Variants in STAC2 observed in about 807,000 individuals in gnomAD.
STAC2 encodes SH3 and cysteine rich domain 2.
A neutral mutation model predicts 49.0 loss-of-function variants in STAC2; 36 were observed. The observed-to-expected ratio is 0.74, with a 90% CI of 0.56 to 0.97. STAC2 has a LOEUF of 0.97. Among genes scored for constraint, STAC2 ranks in the 50% least tolerant of loss-of-function variants. The pLI, the probability that STAC2 is intolerant of heterozygous loss-of-function variation, is 0.00. For synonymous variants in STAC2, 239 were observed against 214.7 expected (o/e 1.11, Z -0.99); for missense variants, 527 against 543.8 (o/e 0.97, Z 0.31).
Position 39,212,339 on chromosome 17 carries a change from C to T in STAC2, c.1189G>A (p.Gly397Ser), listed in dbSNP as rs1256566404. Residue 397 changes from glycine to serine, a missense_variant, in exon 11 of 11, where the codon GGC becomes AGC. Gly to Ser is a moderately conservative substitution (Grantham distance 56). Transcript: ENST00000333461. The stretch of plus-strand genomic sequence containing the variant: ...ACTGGCACCAGGCCCCGCTTCTTGC[C>T]ACTGCTGACGCGGATGAAGCCGTCA... ...DADGFIRVSS[G>S]KKRGLVPVDA... The T allele has an allele frequency of 3.7e-6, 6 of 1,612,480 alleles. No homozygotes were observed. Among genetic ancestry groups the T allele is most frequent in the Non-Finnish European group, 5.1e-6 (6 of 1,179,260 alleles).
rs752841474 is a variant in STAC2 at position 39,217,055 on chromosome 17, T to G, written c.495+21A>C. The G allele has an allele frequency of 5.6e-6, 9 of 1,613,534 alleles. No homozygotes were observed. The East Asian group carries it at 1.8e-4, about 32-fold the overall frequency. ...TACTGGCAGCACTCAGCTGGCCATC[T>G]CTGCCTGGGTCCCCGCTCACCGTCT... On this transcript the variant is annotated intron_variant, in intron 3 of 10. Coordinates refer to ENST00000333461, the MANE Select transcript of STAC2 (RefSeq NM_198993.5).
In STAC2 at chr17:39,222,675, T is replaced by C. The variant is rs113861023; in HGVS notation, c.90+2738A>G. ...TCTCTGGCATGGGGAGAAGCTGCCA[T>C]GTACCTTGGCAAGTGGGCCTGCCTG... On this transcript the variant is annotated intron_variant, in intron 1 of 10. Transcript: ENST00000333461. 4.2e-3 allele frequency among the ~76,000 whole-genome samples: 643 copies of C among 152,226 alleles called. 7 individuals carry two copies. The highest frequency in any genetic ancestry group is 0.015 in the African/African-American group (604 of 41,538).
chr17:39,225,431 G>A lies in STAC2; in HGVS notation c.72C>T (p.Ser24=). 7.5e-6 allele frequency: 12 copies of A among 1,605,876 alleles called. No individual in the cohort carries two copies. Among genetic ancestry groups the A allele is most frequent in the South Asian group, 1.1e-5 (1 of 90,902 alleles). Residue 24 remains serine (S), a synonymous_variant, in exon 1 of 11, where the codon TCC becomes TCT. Transcript: ENST00000333461. This position sits in a 1 kb window ranked among gnomAD's most constrained non-coding sequence, Gnocchi z 8.2. ...AATHSPPGTV[S]ALQETKLQRF... is the part of the protein sequence containing the mutation. ...AAGTTACCTTGGTTTCCTGGAGGGC[G>A]GAGACGGTCCCTGGGGGGCTGTGGG... is the stretch of plus-strand genomic sequence containing the variant.
chr17:39,214,832 T>G lies in STAC2; in HGVS notation c.802A>C (p.Ser268Arg). 6.2e-7 allele frequency: 1 copy of G among 1,613,938 alleles called. No individual in the cohort carries two copies. Among genetic ancestry groups the G allele is most frequent in the African/African-American group, 1.3e-5 (1 of 74,982 alleles). ...TTCTCCTCTGGTCCTGGCCCTTCAC[T>G]CTCTGCTGGGGCTGTGAATACTGGA... ...ASPVFTAPAE[S>R]EGPGPEEKSP... Residue 268 changes from serine (S) to arginine (R), a missense_variant, in exon 7 of 11, where the codon AGT (serine) becomes CGT (arginine). Ser to Arg is a moderately radical substitution (Grantham distance 110). Coordinates refer to ENST00000333461, the MANE Select transcript of STAC2 (RefSeq NM_198993.5).
chr17:39,217,192 C>T lies in STAC2; in HGVS notation c.398-19G>A. On this transcript the variant is annotated intron_variant, in intron 2 of 10. Transcript: ENST00000333461. ...GAGTTTCCTAGGAAGAATTTGGGTT[C>T]AGCAATTGAGGACACCCCCGTGGGC... 1.2e-6 allele frequency: 2 copies of T among 1,610,412 alleles called. No individual in the cohort carries two copies. The highest frequency in any genetic ancestry group is 1.7e-6 in the Non-Finnish European group (2 of 1,178,650).
Position 39,212,054 on chromosome 17 carries a change from T to TTCCAG in STAC2, c.*237_*238insCTGGA. On this transcript the variant is annotated 3_prime_UTR_variant, in exon 11 of 11. Coordinates refer to ENST00000333461, the MANE Select transcript of STAC2 (RefSeq NM_198993.5). ...GTGGACCTACCTGTAGCTTCCTCAT[T>TTCCAG]CCCTCCCACCCCACCCCATCCCCGC... 4.7e-6 allele frequency: 1 copy of TTCCAG among 214,682 alleles called. No individual in the cohort carries two copies. The highest frequency in any genetic ancestry group is 9.5e-6 in the Non-Finnish European group (1 of 105,018). 13.3% of individuals were successfully genotyped at this position (214,682 alleles called of 1,614,324 possible).
rs536241853 is a variant in STAC2, at chr17:39,213,770, G to A, written c.942-212C>T. ...TGGCTCACTGCAACCTCCACCTTCCGGGTTCAAGCCATTCTCCTGCCTCAG... is the reference window on the plus strand; with the variant it reads ...TGGCTCACTGCAACCTCCACCTTCCAGGTTCAAGCCATTCTCCTGCCTCAG... On this transcript the variant is annotated intron_variant, in intron 8 of 10. Coordinates refer to ENST00000333461, the MANE Select transcript of STAC2 (RefSeq NM_198993.5). Among the ~76,000 whole-genome samples the A allele has an allele frequency of 3.3e-5, 5 of 151,308 alleles. No homozygotes were observed. The South Asian group carries it at 1.0e-3, about 32-fold the overall frequency.
In STAC2 at chr17:39,216,803, C is replaced by T; in HGVS notation, c.586+7G>A. The T allele has an allele frequency of 1.3e-6, 2 of 1,580,178 alleles. No individual in the cohort carries two copies. The highest frequency in any genetic ancestry group is 1.7e-6 in the Non-Finnish European group (2 of 1,163,320). On this transcript the variant is annotated splice_region_variant and intron_variant, in intron 4 of 10. Coordinates refer to ENST00000333461, the MANE Select transcript of STAC2 (RefSeq NM_198993.5). ...GAGCAGGGACTGCGGCCAGGGGGGG[C>T]ACTCACCAGTGGGTGGGGACTCTTT... is the stretch of plus-strand genomic sequence containing the variant.
intron 8 of STAC2, 122 bp from the exon 9 acceptor site, chr17:39,213,680 T>C: frequency 2.2e-6 from 2 of 899,948 alleles, no homozygotes; most frequent in South Asian, 3.4e-5. Flanking sequence ...TTCTTTTTTT[T>C]TTTTTTTTTT....
At position 39,217,118 on chromosome 17, in the gene STAC2, C is replaced by A. The variant is rs2046411917; in HGVS notation, c.453G>T (p.Trp151Cys). The change falls in exon 3 of 11, where the codon TGG becomes TGT. Residue 151 changes from tryptophan to cysteine, a missense_variant. Physicochemically the swap from Trp to Cys is radical, Grantham distance 215. Transcript: ENST00000333461. ...GCTGGTGGGAGATCTCCTCAGAGCACCAGAGGTGGACGCTGACTTTGCACA... is the reference window on the plus strand; with the variant it reads ...GCTGGTGGGAGATCTCCTCAGAGCAACAGAGGTGGACGCTGACTTTGCACA... ...CKMCKVSVHL[W>C]CSEEISHQQC... is the part of the protein sequence containing the mutation. The A allele has an allele frequency of 6.2e-7, 1 of 1,614,042 alleles. No homozygotes were observed. Among genetic ancestry groups the A allele is most frequent in the Non-Finnish European group, 8.5e-7 (1 of 1,179,990 alleles).
intron 1 of STAC2, among the ~76,000 whole-genome samples, chr17:39,222,157 G>T (rs529119483): frequency 6.6e-6 from 1 of 152,284 alleles, no homozygotes; most frequent in African/African-American, 2.4e-5. Context: ...CATCAGTCAT[G>T]TTCCCCCCAT....
chr17:39,214,910 A>G, intron 6 of STAC2, 41 bp downstream of exon 6: 1 of 1,613,818 alleles, frequency 6.2e-7, no homozygotes, highest in Non-Finnish European at 8.5e-7. Flanking sequence ...AGCACCCTCC[A>G]TTGTACCCCA....
intron 4 of STAC2, among the ~76,000 whole-genome samples, chr17:39,215,569 C>A (rs2046394908): frequency 6.6e-6 from 1 of 152,226 alleles, no homozygotes; most frequent in Non-Finnish European, 1.5e-5. Context: ...TTCAACTGGT[C>A]TCCCTGCTTC....
At chr17:39,217,782 C>A in intron 2 of STAC2, 85 bp downstream of exon 2, 1 of 1,384,564 alleles carries the variant, frequency 7.2e-7, no homozygotes, top group Non-Finnish European at 9.8e-7. Context: ...AGCAAGAGCC[C>A]AATAATATTG....
In STAC2 at chr17:39,214,878, GA is replaced by G. The variant is rs2046387342; in HGVS notation, c.773-18del. On this transcript the variant is annotated intron_variant, in intron 6 of 10. Coordinates refer to ENST00000333461, the MANE Select transcript of STAC2 (RefSeq NM_198993.5). ...CTGGAGATGCTAGGGGCAGGAGAGGGAAAGGGTGAGAGGCAGCAGGGAGCAC... is the reference window on the plus strand; with the variant it reads ...CTGGAGATGCTAGGGGCAGGAGAGGGAAGGGTGAGAGGCAGCAGGGAGCAC... The G allele has an allele frequency of 1.2e-6, 2 of 1,613,910 alleles. No individual in the cohort carries two copies. The highest frequency in any genetic ancestry group is 1.7e-5 in the Admixed American group (1 of 59,996).
Position 39,214,225 on chromosome 17 carries a change from G to T in STAC2, c.941+8C>A. The T allele has an allele frequency of 6.2e-7, 1 of 1,613,752 alleles. No homozygotes were observed. The highest frequency in any genetic ancestry group is 8.5e-7 in the Non-Finnish European group (1 of 1,179,770). Reference sequence around the variant, plus strand: ...GCCCAGCGGGGCCAGGTCACAAAGAGGACTTACTGCAGAGCCAGATCATTG... The same window carrying T: ...GCCCAGCGGGGCCAGGTCACAAAGATGACTTACTGCAGAGCCAGATCATTG... On this transcript the variant is annotated splice_region_variant and intron_variant, in intron 8 of 10. Transcript: ENST00000333461.
Position 39,218,166 on chromosome 17 carries a change from C to A in STAC2, c.98G>T (p.Arg33Leu), listed in dbSNP as rs1473724071. 6.2e-7 allele frequency: 1 copy of A among 1,613,258 alleles called. No homozygotes were observed. The highest frequency in any genetic ancestry group is 1.7e-4 in the Middle Eastern group (1 of 6,026). Residue 33 changes from arginine (R) to leucine (L), a missense_variant, in exon 2 of 11, where the codon CGA becomes CTA. Transcript: ENST00000333461. ...VSALQETKLQ[R>L]FKRSLSLKTI... ...CTTGAGGGAGAGGGAGCGCTTGAAT[C>A]GCTGGAGCTGGGAGAAAAAGAGGGA...
rs540600937 is a variant in STAC2 at position 39,216,708 on chromosome 17, T to G, written c.586+102A>C. The G allele has an allele frequency of 6.9e-6, 8 of 1,159,298 alleles. No individual in the cohort carries two copies. The South Asian group carries it at 1.2e-4, about 17-fold the overall frequency. 71.8% of individuals were successfully genotyped at this position (1,159,298 alleles called of 1,614,324 possible). On this transcript the variant is annotated intron_variant, in intron 4 of 10. Coordinates refer to ENST00000333461, the MANE Select transcript of STAC2 (RefSeq NM_198993.5). ...ACCTCCGCCTCCTGGGTTCAAGCAA[T>G]TGAGAGACGGGGTTTCACTGTGTTG...
intron 10 of STAC2, among the ~76,000 whole-genome samples, 152 bp downstream of exon 10, chr17:39,212,842 AG>A (rs976942059): frequency 2.0e-5 from 3 of 152,144 alleles, no homozygotes; most frequent in Non-Finnish European, 4.4e-5. Flanking sequence ...GGCTGGTAGG[AG>A]GGCCCTGCAA....
Sources: gnomAD v4.1 joint callset for allele counts (sites outside exome capture counted in the v4.1 genomes callset) on GRCh38, gnomAD v4.1.1 for gene constraint, Gnocchi (gnomAD v3.1) non-coding constraint, MANE v1.5 for transcripts, NCBI Gene and HGNC (gene_info 2026-07-23, HGNC 2026-07-21) for gene names.